The following SMAD6 variants were observed in gnomAD, a reference collection of about 807,000 sequenced individuals.
SMAD6 encodes the protein SMAD family member 6, also known as MAD homolog 6.
A neutral mutation model predicts 39.4 loss-of-function variants in SMAD6; 103 were observed. The ratio of observed to expected loss-of-function variants is 2.62; its 90% CI spans 2.23 to 3.08. SMAD6 has a LOEUF of 3.08. SMAD6 is among the 30% of genes most tolerant of loss of function. The probability of loss-of-function intolerance (pLI) is 0.00; values close to 1 mark genes in which losing one functional copy is unlikely to be tolerated. For synonymous variants in SMAD6, 445 were observed against 353.3 expected, an observed-to-expected ratio of 1.26 and a Z score of -2.91; for missense variants, 1,104 against 742.9, an observed-to-expected ratio of 1.49 and a Z score of -5.65.
chr15:66,744,099 C>T (rs1271288876), intron 3 of SMAD6, among the ~76,000 whole-genome samples: 6 of 152,146 alleles, frequency 3.9e-5, no homozygotes, highest in Admixed American at 2.0e-4. Flanking sequence ...TCAGAGTGCC[C>T]TCCGGAAAGG....
intron 3 of SMAD6, among the ~76,000 whole-genome samples, chr15:66,749,676 A>G (rs1893966774): frequency 6.6e-6 from 1 of 152,166 alleles, no homozygotes. Flanking sequence ...CTAGGAAACT[A>G]GGGGGCAGAG....
intron 3 of SMAD6, among the ~76,000 whole-genome samples, chr15:66,729,399 T>C (rs569094247): frequency 1.3e-5 from 2 of 152,332 alleles, no homozygotes; most frequent in South Asian, 4.1e-4. Flanking sequence ...ACTGGGCCTT[T>C]CACCGGTAGC....
intron 1 of SMAD6, among the ~76,000 whole-genome samples, chr15:66,709,960 C>T (rs1893195224): frequency 6.6e-6 from 1 of 152,224 alleles, no homozygotes; most frequent in Non-Finnish European, 1.5e-5. Context: ...CCATTATCCT[C>T]ATCCCAGTTG....
In SMAD6 at chr15:66,781,558, G is replaced by A. The variant is rs184507417; in HGVS notation, c.*23G>A. The A allele has an allele frequency of 1.4e-6, 2 of 1,475,028 alleles. No homozygotes were observed. Among genetic ancestry groups the A allele is most frequent in the Non-Finnish European group, 8.9e-7 (1 of 1,118,828 alleles). The allele number at this position is 1,475,028 out of a possible 1,614,324, so 91.4% of individuals were successfully genotyped here. A position where few individuals can be genotyped will look rare whatever the true frequency, so the allele number is the denominator to read the frequency against. ...TAGTGGCGGCCCCGGCGGGAGGGGC[G>A]GGTGGGAGGCCGCGGCCACCGCCAC... is the stretch of plus-strand genomic sequence containing the variant. On this transcript the variant is annotated 3_prime_UTR_variant, in exon 4 of 4. Coordinates refer to ENST00000288840, the MANE Select transcript of SMAD6 (RefSeq NM_005585.5).
intron 3 of SMAD6, among the ~76,000 whole-genome samples, chr15:66,779,635 C>T (rs902628699): frequency 3.3e-5 from 5 of 152,226 alleles, no homozygotes; most frequent in African/African-American, 9.6e-5. Context: ...AAGGCAAAGG[C>T]GTCCAGAGCT....
intron 3 of SMAD6, among the ~76,000 whole-genome samples, chr15:66,723,167 G>A (rs1567098615): frequency 6.6e-6 from 1 of 152,182 alleles, no homozygotes; most frequent in African/African-American, 2.4e-5. Flanking sequence ...AAGTCATGAG[G>A]AGGGAGGGGA....
chr15:66,711,868 G>A, intron 2 of SMAD6, 144 bp downstream of exon 2: 2 of 684,748 alleles, frequency 2.9e-6, no homozygotes, highest in Non-Finnish European at 2.6e-6. Context: ...GTGAAATGGG[G>A]TGAAGTTGTA....
In SMAD6 at chr15:66,781,558, G is replaced by T. The variant is rs184507417; in HGVS notation, c.*23G>T. 1.6e-3 allele frequency: 2,298 copies of T among 1,475,036 alleles called. 45 individuals are homozygous for T. The Admixed American group carries it at 0.039, about 25-fold the overall frequency. 91.4% of individuals were successfully genotyped at this position (1,475,036 alleles called of 1,614,324 possible). On this transcript the variant is annotated 3_prime_UTR_variant, in exon 4 of 4. Transcript: ENST00000288840. ...TAGTGGCGGCCCCGGCGGGAGGGGC[G>T]GGTGGGAGGCCGCGGCCACCGCCAC...
At chr15:66,762,809 C>T (rs1019702434) in intron 3 of SMAD6, among the ~76,000 whole-genome samples, 2 of 152,068 alleles carry the variant, frequency 1.3e-5, no homozygotes, top group Non-Finnish European at 2.9e-5. Flanking sequence ...TGGTAGGATG[C>T]TTGCACAGTG....
chr15:66,752,380 G>C (rs1247654220), intron 3 of SMAD6, among the ~76,000 whole-genome samples: 2 of 152,188 alleles, frequency 1.3e-5, no homozygotes, highest in Admixed American at 6.5e-5. Context: ...GTAACTTTGG[G>C]GGGTGTTTTG....
At chr15:66,762,722 A>G (rs1054990354) in intron 3 of SMAD6, among the ~76,000 whole-genome samples, 3 of 151,972 alleles carry the variant, frequency 2.0e-5, no homozygotes, top group African/African-American at 7.3e-5. Context: ...TAGATAAAGA[A>G]TCCCTTCCAT....
intron 3 of SMAD6, among the ~76,000 whole-genome samples, chr15:66,754,695 A>T (rs767121538): frequency 6.6e-6 from 1 of 152,196 alleles, no homozygotes. Context: ...CCTTATAACC[A>T]TCCTGAGGAT....
intron 3 of SMAD6, among the ~76,000 whole-genome samples, chr15:66,719,188 T>G (rs562371538): frequency 1.3e-4 from 20 of 152,312 alleles, no homozygotes; most frequent in African/African-American, 4.1e-4. Context: ...GCTTGGAACA[T>G]GAGCCTGGAC....
chr15:66,771,217 G>A (rs551333842), intron 3 of SMAD6, among the ~76,000 whole-genome samples: 22 of 152,320 alleles, frequency 1.4e-4, no homozygotes, highest in African/African-American at 4.1e-4. Context: ...GGAGTGGTAA[G>A]GCCTAATATC....
At position 66,774,010 on chromosome 15, in the gene SMAD6, G is replaced by A. The variant is rs565951329; in HGVS notation, c.953-6987G>A. On this transcript the variant is annotated intron_variant, in intron 3 of 3. Coordinates refer to ENST00000288840, the MANE Select transcript of SMAD6 (RefSeq NM_005585.5). Reference sequence around the variant, plus strand: ...AAAGACTTGGAAGGTGAAGGAGTAGGGACCGCCTGCTCCCCTGCTGACCTA... The same window carrying A: ...AAAGACTTGGAAGGTGAAGGAGTAGAGACCGCCTGCTCCCCTGCTGACCTA... Among the ~76,000 whole-genome samples the A allele has an allele frequency of 7.9e-5, 12 of 152,208 alleles. 1 individual carries two copies. Among genetic ancestry groups the A allele is most frequent in the African/African-American group, 2.6e-4 (11 of 41,528 alleles).
Position 66,703,962 on chromosome 15 carries a change from T to G in SMAD6, c.704T>G (p.Leu235Arg), listed in dbSNP as rs758607164. Reference protein sequence around the residue: ...LLGRLFRWPDLQHAVELKPLC... With the variant: ...LLGRLFRWPDRQHAVELKPLC... ...GGCCGCCTCTTTCGCTGGCCCGACC[T>G]GCAGCACGCCGTGGAGCTGAAGCCC... Residue 235 changes from leucine to arginine, a missense_variant, in exon 1 of 4, where the codon CTG (leucine) becomes CGG (arginine). Physicochemically the swap from Leu to Arg is moderately radical, Grantham distance 102. Coordinates refer to ENST00000288840, the MANE Select transcript of SMAD6 (RefSeq NM_005585.5). The G allele has an allele frequency of 1.4e-6, 2 of 1,442,470 alleles. No individual in the cohort carries two copies. Among genetic ancestry groups the G allele is most frequent in the South Asian group, 1.4e-5 (1 of 74,016 alleles). The allele number at this position is 1,442,470 out of a possible 1,614,324, so 89.4% of individuals were successfully genotyped here.
chr15:66,713,881 G>A (rs1893278314), intron 2 of SMAD6, among the ~76,000 whole-genome samples: 2 of 152,224 alleles, frequency 1.3e-5, no homozygotes, highest in Admixed American at 1.3e-4. Flanking sequence ...GAGAGATCAT[G>A]TGGTGGAAGC....
intron 3 of SMAD6, among the ~76,000 whole-genome samples, chr15:66,750,966 G>A (rs1893994627): frequency 6.6e-6 from 1 of 152,172 alleles, no homozygotes; most frequent in Non-Finnish European, 1.5e-5. Context: ...AGCGCCGGCA[G>A]AGGTGTTTGC....
chr15:66,781,353 A>G lies in SMAD6; in HGVS notation c.1309A>G (p.Lys437Glu). ...CAAGGTGCCCCCCGGCTACTCCATC[A>G]AGGTGTTCGACTTCGAGCGCTCGGG... ...VRKVPPGYSI[K>E]VFDFERSGLQ... Residue 437 changes from lysine to glutamate, a missense_variant, in exon 4 of 4, where the codon AAG becomes GAG. Lys to Glu is a moderately conservative substitution (Grantham distance 56, BLOSUM62 1). Transcript: ENST00000288840. The G allele has an allele frequency of 3.1e-6, 5 of 1,600,052 alleles. No homozygotes were observed. Among genetic ancestry groups the G allele is most frequent in the South Asian group, 1.1e-5 (1 of 90,850 alleles).
Sources: gnomAD v4.1 joint callset for allele counts (sites outside exome capture counted in the v4.1 genomes callset) on GRCh38, gnomAD v4.1.1 for gene constraint, MANE v1.5 for transcripts, NCBI Gene and HGNC (gene_info 2026-07-23, HGNC 2026-07-21) for gene names.